The following CXCL13 variants were observed in gnomAD, a reference collection of about 807,000 sequenced individuals.
CXCL13 encodes the protein C-X-C motif chemokine ligand 13.
Under a neutral mutation model 12.2 loss-of-function variants are expected in CXCL13, and 7 were observed. The observed-to-expected ratio is 0.57, with a 90% CI of 0.33 to 1.07. The LOEUF (loss-of-function observed/expected upper bound fraction) is 1.07, where lower values mean the gene tolerates loss of function less well. Among genes scored for constraint, CXCL13 ranks in the 50% least tolerant of loss-of-function variants. The pLI, the probability that CXCL13 is intolerant of heterozygous loss-of-function variation, is 0.04. For missense variants in CXCL13, 113 were observed against 127.4 expected (o/e 0.89, Z 0.55); for synonymous variants, 47 against 42.4 (o/e 1.11, Z -0.42).
intron 1 of CXCL13, among the ~76,000 whole-genome samples, chr4:77,546,050 T>G (rs1271516722): frequency 6.6e-6 from 1 of 152,096 alleles, no homozygotes; most frequent in Admixed American, 6.5e-5. Context: ...TGGATTACAT[T>G]TATTGATTTG....
At chr4:77,547,176 G>T (rs1194474558) in intron 1 of CXCL13, among the ~76,000 whole-genome samples, 4 of 152,140 alleles carry the variant, frequency 2.6e-5, no homozygotes. Flanking sequence ...GGTCAATTTT[G>T]GTATAAGTGC....
intron 1 of CXCL13, among the ~76,000 whole-genome samples, chr4:77,538,618 G>T (rs562374367): frequency 1.6e-4 from 24 of 152,122 alleles, no homozygotes; most frequent in African/African-American, 4.8e-4. Flanking sequence ...TAATAGTCAG[G>T]TTCACTCTGA....
At chr4:77,590,839 T>C (rs904533118) in intron 1 of CXCL13, among the ~76,000 whole-genome samples, 5 of 152,334 alleles carry the variant, frequency 3.3e-5, no homozygotes, top group East Asian at 1.9e-4. Context: ...TTTTATGCCA[T>C]GCAAAGTTTA....
intron 3 of CXCL13, 112 bp from the exon 4 acceptor site, chr4:77,610,876 C>A: frequency 9.8e-7 from 1 of 1,018,536 alleles, no homozygotes; most frequent in Non-Finnish European, 1.5e-6. Flanking sequence ...CTCAGTAAAC[C>A]AAACTAGATG....
At chr4:77,584,661 G>A (rs1726411010) in intron 1 of CXCL13, among the ~76,000 whole-genome samples, 1 of 152,184 alleles carries the variant, frequency 6.6e-6, no homozygotes, top group Admixed American at 6.5e-5. Flanking sequence ...GAGCTGAGTT[G>A]GGAGAAGGAG....
At chr4:77,529,019 C>G (rs542568502) in intron 1 of CXCL13, among the ~76,000 whole-genome samples, 4 of 152,258 alleles carry the variant, frequency 2.6e-5, no homozygotes, top group African/African-American at 9.6e-5. Context: ...TTCCCAGCAC[C>G]ATTTATTAAA....
chr4:77,536,755 T>C (rs1725066442), intron 1 of CXCL13, among the ~76,000 whole-genome samples: 1 of 152,194 alleles, frequency 6.6e-6, no homozygotes, highest in Non-Finnish European at 1.5e-5. Flanking sequence ...TATTTTCTTC[T>C]GAAAAATAGC....
At chr4:77,589,007 C>T (rs1329185262) in intron 1 of CXCL13, among the ~76,000 whole-genome samples, 6 of 152,104 alleles carry the variant, frequency 3.9e-5, no homozygotes, top group Non-Finnish European at 8.8e-5. Context: ...CTATTTTAGG[C>T]CGATGTGGTT....
chr4:77,552,882 G>C (rs534691010), intron 1 of CXCL13, among the ~76,000 whole-genome samples: 1 of 152,214 alleles, frequency 6.6e-6, no homozygotes, highest in Admixed American at 6.5e-5. Context: ...AGGTGGCTGA[G>C]GCTGTTGATC....
intron 1 of CXCL13, among the ~76,000 whole-genome samples, chr4:77,543,663 T>A (rs1725261258): frequency 6.6e-6 from 1 of 152,158 alleles, no homozygotes; most frequent in African/African-American, 2.4e-5. Flanking sequence ...ATTGTGTGAT[T>A]TGAAAAGATC....
intron 1 of CXCL13, among the ~76,000 whole-genome samples, chr4:77,567,868 C>T (rs1407071326): frequency 6.6e-6 from 1 of 152,218 alleles, no homozygotes; most frequent in Non-Finnish European, 1.5e-5. Flanking sequence ...CCTTGTTTAG[C>T]ATATGTTCAA....
At position 77,514,258 on chromosome 4, in the gene CXCL13, A is replaced by G. The variant is rs1261391805; in HGVS notation, c.-43+2470A>G. On this transcript the variant is annotated intron_variant, in intron 1 of 4. Coordinates refer to the CXCL13 transcript ENST00000286758. ...CTTTGCTATTGTGAATAGTGCTGCA[A>G]TAAACATATGTGTGCATGTGTCTTT... Among the ~76,000 whole-genome samples the G allele has an allele frequency of 2.6e-5, 4 of 152,212 alleles. No homozygotes were observed. The East Asian group carries it at 7.7e-4, about 29-fold the overall frequency.
At chr4:77,528,440 T>C (rs569133633) in intron 1 of CXCL13, among the ~76,000 whole-genome samples, 1 of 152,322 alleles carries the variant, frequency 6.6e-6, no homozygotes, top group Non-Finnish European at 1.5e-5. Flanking sequence ...CCAGCACCTG[T>C]TGTTTCCTGA....
chr4:77,539,670 G>T (rs1004305257), intron 1 of CXCL13, among the ~76,000 whole-genome samples: 8 of 152,200 alleles, frequency 5.3e-5, no homozygotes, highest in African/African-American at 1.7e-4. Flanking sequence ...TAATGTGCTT[G>T]CTTGAACCCG....
intron 1 of CXCL13, among the ~76,000 whole-genome samples, chr4:77,574,395 C>T (rs1046454006): frequency 1.3e-5 from 2 of 151,808 alleles, no homozygotes; most frequent in African/African-American, 4.9e-5. Context: ...AATCTACGGC[C>T]GTCCTATATT....
At chr4:77,570,825 G>T (rs1726055926) in intron 1 of CXCL13, among the ~76,000 whole-genome samples, 1 of 150,268 alleles carries the variant, frequency 6.7e-6, no homozygotes, top group African/African-American at 2.5e-5. Context: ...GCTGCAGAGG[G>T]TGTACTGGAT....
chr4:77,557,055 G>A (rs1458717309), intron 1 of CXCL13, among the ~76,000 whole-genome samples: 1 of 151,288 alleles, frequency 6.6e-6, no homozygotes, highest in Non-Finnish European at 1.5e-5. Context: ...AGAGAGAAAA[G>A]AAAAATGGGA....
chr4:77,563,959 G>T (rs1375811215), intron 1 of CXCL13, among the ~76,000 whole-genome samples: 4 of 152,076 alleles, frequency 2.6e-5, no homozygotes, highest in African/African-American at 4.8e-5. Context: ...GCTGATGTTT[G>T]TACTCAGGGC....
chr4:77,544,140 C>A (rs1331724242), intron 1 of CXCL13, among the ~76,000 whole-genome samples: 1 of 152,158 alleles, frequency 6.6e-6, no homozygotes, highest in African/African-American at 2.4e-5. Context: ...TTAATCCAGT[C>A]TATCATTGAT....
Sources: gnomAD v4.1 joint callset for allele counts (sites outside exome capture counted in the v4.1 genomes callset) on GRCh38, gnomAD v4.1.1 for gene constraint, MANE v1.5 for transcripts, NCBI Gene and HGNC (gene_info 2026-07-23, HGNC 2026-07-21) for gene names.